The following TANK variants were observed in gnomAD, a reference collection of about 807,000 sequenced individuals.
TANK encodes TRAF family member associated NFKB activator.
In TANK, 15 loss-of-function variants were observed where a neutral mutation model predicts 43.6. The ratio of observed to expected loss-of-function variants is 0.34; its 90% CI spans 0.23 to 0.53. The LOEUF is 0.53. TANK is among the 20% of genes least tolerant of loss of function. The pLI, the probability that TANK is intolerant of heterozygous loss-of-function variation, is 0.94. For missense variants in TANK, 417 were observed against 498.6 expected, an observed-to-expected ratio of 0.84 and a Z score of 1.56; for synonymous variants, 162 against 178.2, an observed-to-expected ratio of 0.91 and a Z score of 0.73.
At chr2:161,184,925 G>A (rs1236296086) in intron 2 of TANK, among the ~76,000 whole-genome samples, 3 of 151,948 alleles carry the variant, frequency 2.0e-5, no homozygotes, top group Admixed American at 6.6e-5. Context: ...GGATTTTATT[G>A]TATCCTTAAA....
intron 4 of TANK, among the ~76,000 whole-genome samples, chr2:161,210,558 G>A (rs371037392): frequency 1.3e-5 from 2 of 151,890 alleles, no homozygotes; most frequent in African/African-American, 2.4e-5. Flanking sequence ...TTAGCCGGGC[G>A]TGGTGGCAGG....
At chr2:161,217,848 A>G (rs1057004637) in intron 4 of TANK, among the ~76,000 whole-genome samples, 2 of 152,128 alleles carry the variant, frequency 1.3e-5, no homozygotes, top group African/African-American at 4.8e-5. Context: ...CAGACACTGA[A>G]ATTATCAGAC....
chr2:161,220,430 T>C (rs771346046), intron 4 of TANK, among the ~76,000 whole-genome samples: 5 of 152,104 alleles, frequency 3.3e-5, no homozygotes, highest in Non-Finnish European at 5.9e-5. Context: ...TGTTGAAACC[T>C]TGTCTCTACT....
chr2:161,139,714 A>G (rs1226067952), intron 1 of TANK: 2 of 985,306 alleles, frequency 2.0e-6, no homozygotes, highest in African/African-American at 3.5e-5. Flanking sequence ...TTTTGGCTTC[A>G]TAATTCTGTT....
chr2:161,213,121 C>A (rs1574046112), intron 4 of TANK, among the ~76,000 whole-genome samples: 1 of 152,254 alleles, frequency 6.6e-6, no homozygotes, highest in Middle Eastern at 3.4e-3. Flanking sequence ...CATCCTTACC[C>A]CCACAGCCCC....
chr2:161,158,546 A>T (rs1333953330), upstream of TANK, among the ~76,000 whole-genome samples: 2 of 152,376 alleles, frequency 1.3e-5, no homozygotes, highest in African/African-American at 2.4e-5. Context: ...AAATGTGTAT[A>T]TCTAGCTATT....
At position 161,211,966 on chromosome 2, in the gene TANK, CT is replaced by C. The variant is rs536381612; in HGVS notation, c.327+7176del. The C allele has an allele frequency of 4.7e-3, 4,531 of 954,694 alleles. 15 individuals are homozygous for C. Among genetic ancestry groups the C allele is most frequent in the Non-Finnish European group, 5.4e-3 (4,308 of 802,164 alleles). 59.1% of individuals were successfully genotyped at this position (954,694 alleles called of 1,614,324 possible). Reference sequence around the variant, plus strand: ...TCTGGAGACTAGCCTTTTTTATAGACTTTCTGGTAGAATGTTAATTAGAAAG... The same window carrying C: ...TCTGGAGACTAGCCTTTTTTATAGACTTCTGGTAGAATGTTAATTAGAAAG... On this transcript the variant is annotated intron_variant, in intron 4 of 7. Transcript: ENST00000392749.
Position 161,231,098 on chromosome 2 carries a change from A to G in TANK, c.648A>G (p.Gly216=). Residue 216 remains glycine (G), a synonymous_variant, in exon 7 of 8, where the codon GGA becomes GGG. Coordinates refer to ENST00000392749, the MANE Select transcript of TANK (RefSeq NM_001199135.3). ...CCATCACATCTGTCACACCAAGAGG[A>G]CTGTGCAGAGATGAGGAAGACACCT... is the stretch of plus-strand genomic sequence containing the variant. ...APSITSVTPR[G]LCRDEEDTSF... 1.2e-6 allele frequency: 2 copies of G among 1,614,156 alleles called. No individual in the cohort carries two copies. Among genetic ancestry groups the G allele is most frequent in the South Asian group, 1.1e-5 (1 of 91,080 alleles).
intron 4 of TANK, among the ~76,000 whole-genome samples, chr2:161,211,217 G>T (rs1447919986): frequency 1.3e-5 from 2 of 152,158 alleles, no homozygotes; most frequent in Non-Finnish European, 2.9e-5. Flanking sequence ...TTTGCTTTCT[G>T]ATCTTCTGTA....
intron 1 of TANK, among the ~76,000 whole-genome samples, chr2:161,152,991 T>G (rs1168907873): frequency 6.6e-6 from 1 of 152,092 alleles, no homozygotes. Flanking sequence ...TTGAAATATT[T>G]TTTCTGCTTC....
At chr2:161,137,748 C>A (rs1190323563) in intron 1 of TANK, 1 of 152,038 alleles carries the variant, frequency 6.6e-6, no homozygotes, top group Non-Finnish European at 1.5e-5. Flanking sequence ...CTGAGGCCGG[C>A]AGATCACCTG....
chr2:161,160,343 T>G, upstream of TANK: 4 of 978,484 alleles, frequency 4.1e-6, no homozygotes, highest in Non-Finnish European at 5.3e-6. Context: ...GCCCTGGCCT[T>G]GTTGGGTGGA....
At chr2:161,203,697 T>G (rs1395120789) in intron 3 of TANK, 102 bp downstream of exon 3, 3 of 691,558 alleles carry the variant, frequency 4.3e-6, no homozygotes, top group Non-Finnish European at 7.3e-6. Context: ...TTCTCAATAG[T>G]TTTGATATTA....
Position 161,161,210 on chromosome 2 carries a change from C to T in TANK, c.-50+724C>T, listed in dbSNP as rs1225272625. ...GGAGGATAATCAAAGAAGAGCTGTG[C>T]CTTTATTGTTATGCTATAACGAGCA... On this transcript the variant is annotated intron_variant, in intron 1 of 7. Transcript: ENST00000392749. 19 of 1,525,094 alleles carry T rather than the reference C, an allele frequency of 1.2e-5. No homozygotes were observed. In the Admixed American group the frequency reaches 3.8e-4, roughly 31 times the overall value. The allele number at this position is 1,525,094 out of a possible 1,614,324, so 94.5% of individuals were successfully genotyped here.
chr2:161,175,760 G>A (rs1685147717), intron 1 of TANK, among the ~76,000 whole-genome samples: 3 of 152,126 alleles, frequency 2.0e-5, no homozygotes, highest in Non-Finnish European at 4.4e-5. Flanking sequence ...GGGCTGGAGA[G>A]GTGGGACAAG....
intron 1 of TANK, among the ~76,000 whole-genome samples, chr2:161,144,248 A>G (rs1331924649): frequency 6.6e-6 from 1 of 151,928 alleles, no homozygotes; most frequent in Non-Finnish European, 1.5e-5. Context: ...AAACTTTTTC[A>G]AAAAAACAGC....
chr2:161,143,986 T>A (rs1427158126), intron 1 of TANK, among the ~76,000 whole-genome samples: 2 of 152,218 alleles, frequency 1.3e-5, no homozygotes, highest in Non-Finnish European at 2.9e-5. Context: ...TGCCCCAATT[T>A]CAGAACTTGT....
chr2:161,139,863 T>C (rs1241069337), intron 1 of TANK: 1 of 985,340 alleles, frequency 1.0e-6, no homozygotes, highest in Non-Finnish European at 1.2e-6. Context: ...ATGACAGTGC[T>C]AGCTGCAGAC....
rs567517428 is a variant in TANK, at chr2:161,211,574, C to A, written c.327+6781C>A. Among the ~76,000 whole-genome samples the A allele has an allele frequency of 9.3e-4, 142 of 152,324 alleles. 1 individual carries two copies. In the Middle Eastern group the frequency reaches 0.014, roughly 15 times the overall value. On this transcript the variant is annotated intron_variant, in intron 4 of 7. Coordinates refer to ENST00000392749, the MANE Select transcript of TANK (RefSeq NM_001199135.3). ...AACATATTTAGCTACTAAGTGATTT[C>A]TATGGAAAAGCCAAATCTCATTTAC...
Sources: gnomAD v4.1 joint callset for allele counts (sites outside exome capture counted in the v4.1 genomes callset) on GRCh38, gnomAD v4.1.1 for gene constraint, MANE v1.5 for transcripts, NCBI Gene and HGNC (gene_info 2026-07-23, HGNC 2026-07-21) for gene names.